INAVA: variants seen among roughly 807,000 people sequenced by gnomAD.
The protein encoded by INAVA is innate immunity activator.
Under a neutral mutation model 55.3 loss-of-function variants are expected in INAVA, and 32 were observed. The observed-to-expected ratio is 0.58, with a 90% CI of 0.44 to 0.78. INAVA has a LOEUF of 0.78. INAVA is among the 30% of genes least tolerant of loss of function. The pLI, the probability that INAVA is intolerant of heterozygous loss-of-function variation, is 0.00. For missense variants in INAVA, 756 were observed against 786.4 expected (o/e 0.96, Z 0.46); for synonymous variants, 294 against 329.4 (o/e 0.89, Z 1.16).
chr1:200,895,205 C>G (rs1668318896), intron 1 of INAVA, 118 bp downstream of exon 1: 1 of 840,052 alleles, frequency 1.2e-6, no homozygotes, highest in Non-Finnish European at 1.4e-6. Flanking sequence ...CAGCCTATGT[C>G]TGGTGTGTAG....
chr1:200,904,648 G>A (rs908433453), intron 5 of INAVA, among the ~76,000 whole-genome samples: 9 of 152,178 alleles, frequency 5.9e-5, no homozygotes, highest in African/African-American at 1.9e-4. Flanking sequence ...ATGCTGCTGC[G>A]GGGCAGGGGA....
upstream of INAVA, among the ~76,000 whole-genome samples, chr1:200,894,646 C>T (rs1221143605): frequency 2.0e-5 from 3 of 152,134 alleles, no homozygotes; most frequent in Non-Finnish European, 4.4e-5. Flanking sequence ...GGAGGGCACG[C>T]AGGTACCTCA....
At position 200,901,078 on chromosome 1, in the gene INAVA, C is replaced by A. The variant is rs1213119499; in HGVS notation, c.439C>A (p.Leu147Met). The change falls in exon 5 of 10, where the codon CTG becomes ATG. Residue 147 changes from leucine to methionine, a missense_variant. Physicochemically the swap from Leu to Met is conservative, Grantham distance 15 (BLOSUM62 2). Coordinates refer to ENST00000413687, the MANE Select transcript of INAVA (RefSeq NM_001142569.3). The part of the protein sequence containing the change: ...KHSMLQEEKK[L>M]QELQRCLVER... ...CTCCATGCTGCAGGAGGAGAAGAAG[C>A]TGCAGGAGCTCCAGCGCTGCCTGGT... is the stretch of plus-strand genomic sequence containing the variant. The A allele has an allele frequency of 2.7e-5, 42 of 1,540,912 alleles. No individual in the cohort carries two copies. The highest frequency in any genetic ancestry group is 3.6e-5 in the Non-Finnish European group (41 of 1,146,286).
intron 5 of INAVA, among the ~76,000 whole-genome samples, chr1:200,905,332 G>T (rs572251722): frequency 2.0e-4 from 31 of 152,296 alleles, no homozygotes; most frequent in African/African-American, 7.5e-4. Context: ...GATCTCTTGG[G>T]CCCAGGAGTA....
chr1:200,911,583 G>T lies in INAVA; in HGVS notation c.1090G>T (p.Ala364Ser), dbSNP rs200496052. 2 of 1,588,976 alleles carry T rather than the reference G, an allele frequency of 1.3e-6. No individual in the cohort carries two copies. The highest frequency in any genetic ancestry group is 2.3e-5 in the East Asian group (1 of 42,882). Residue 364 changes from alanine (A) to serine (S), a missense_variant, in exon 9 of 10, where the codon GCC becomes TCC. Transcript: ENST00000413687. Reference protein sequence around the residue: ...PATKPPLPHAACHSCSEDSGS... With the variant: ...PATKPPLPHASCHSCSEDSGS... ...GACCAAGCCCCCGCTGCCCCACGCC[G>T]CCTGCCACTCCTGCTCAGAAGACAG...
At position 200,911,380 on chromosome 1, in the gene INAVA, T is replaced by C. The variant is rs1653713320; in HGVS notation, c.960-73T>C. The C allele has an allele frequency of 1.2e-5, 17 of 1,421,152 alleles. No individual in the cohort carries two copies. The South Asian group carries it at 1.4e-4, about 12-fold the overall frequency. 88.0% of individuals were successfully genotyped at this position (1,421,152 alleles called of 1,614,324 possible). ...TAGAGCAGGACTCACCTGTTTTAAC[T>C]CCACCTCCCGCCCCAACCCCAGTGT... is the stretch of plus-strand genomic sequence containing the variant. On this transcript the variant is annotated intron_variant, in intron 8 of 9. Coordinates refer to ENST00000413687, the MANE Select transcript of INAVA (RefSeq NM_001142569.3).
At chr1:200,899,344 G>T in intron 2 of INAVA, 129 bp from the exon 3 acceptor site, 1 of 1,341,210 alleles carries the variant, frequency 7.5e-7, no homozygotes, top group Non-Finnish European at 1.0e-6. Flanking sequence ...TGCAATTTGT[G>T]GGCAGGCATG....
At position 200,900,091 on chromosome 1, in the gene INAVA, G is replaced by A. The variant is rs1653173539; in HGVS notation, c.181-13G>A. The A allele has an allele frequency of 7.5e-6, 12 of 1,602,834 alleles. No individual in the cohort carries two copies. In the East Asian group the frequency reaches 2.7e-4, roughly 36 times the overall value. ...GGTGGAGAGGACCTGGCTGGTCTCT[G>A]CTTCCTCCCCAGGAGCTGACGGGCA... On this transcript the variant is annotated splice_polypyrimidine_tract_variant and intron_variant, in intron 3 of 9. Transcript: ENST00000413687.
chr1:200,898,163 C>CA lies in INAVA; in HGVS notation c.-94-143dup, dbSNP rs1179948398. On this transcript the variant is annotated intron_variant, in intron 1 of 9. Coordinates refer to ENST00000413687, the MANE Select transcript of INAVA (RefSeq NM_001142569.3). ...AGCCCCTTCTCTAGGTCAGCACCCCCAGTGCCAGAATCTCCTGCCCCAGAT... is the reference window on the plus strand; with the variant it reads ...AGCCCCTTCTCTAGGTCAGCACCCCCAAGTGCCAGAATCTCCTGCCCCAGAT... The CA allele has an allele frequency of 9.8e-6, 8 of 820,066 alleles. No individual in the cohort carries two copies. The African/African-American group carries it at 1.2e-4, about 12-fold the overall frequency. 50.8% of individuals were successfully genotyped at this position (820,066 alleles called of 1,614,324 possible).
Position 200,895,191 on chromosome 1 carries a change from C to T in INAVA, c.-95+104C>T, listed in dbSNP as rs1297340340. ...CATCACCCCCCTCCGACCCCCACCC[C>T]CGCCAGCCTATGTCTGGTGTGTAGG... is the stretch of plus-strand genomic sequence containing the variant. On this transcript the variant is annotated intron_variant, in intron 1 of 9. Transcript: ENST00000413687. The T allele has an allele frequency of 3.3e-6, 3 of 901,204 alleles. No individual in the cohort carries two copies. In the African/African-American group the frequency reaches 5.4e-5, roughly 16 times the overall value. 55.8% of individuals were successfully genotyped at this position (901,204 alleles called of 1,614,324 possible).
upstream of INAVA, among the ~76,000 whole-genome samples, chr1:200,891,966 C>G (rs1240140973): frequency 6.6e-6 from 1 of 151,242 alleles, no homozygotes; most frequent in Non-Finnish European, 1.5e-5. Flanking sequence ...AGCAAAGTCT[C>G]GGGCCAGCCT....
chr1:200,898,420 T>C lies in INAVA; in HGVS notation c.20T>C (p.Val7Ala), dbSNP rs1653053289. 1.2e-6 allele frequency: 2 copies of C among 1,613,844 alleles called. No homozygotes were observed. Among genetic ancestry groups the C allele is most frequent in the Non-Finnish European group, 1.7e-6 (2 of 1,179,942 alleles). Reference protein sequence around the residue: MESKDEVSDTDSGIILQ... With the variant: MESKDEASDTDSGIILQ... ...TCCACCATGGAGAGTAAGGATGAGG[T>C]CAGCGACACCGACAGTGGCATCATC... The change falls in exon 2 of 10, where the codon GTC (valine) becomes GCC (alanine). Residue 7 changes from valine to alanine, a missense_variant. Val to Ala is a moderately conservative substitution (Grantham distance 64). Transcript: ENST00000413687.
Position 200,900,134 on chromosome 1 carries a change from C to A in INAVA, c.211C>A (p.Pro71Thr). 1 of 1,613,854 alleles carries A rather than the reference C, an allele frequency of 6.2e-7. No homozygotes were observed. The highest frequency in any genetic ancestry group is 1.1e-5 in the South Asian group (1 of 91,038). ...GACGGGCACCTTGCCAGCGGAGTAT[C>A]CCCTCAAACCAGGGGAAAAGGCCCC... ...ELTGTLPAEY[P>T]LKPGEKAPKV... Residue 71 changes from proline to threonine, a missense_variant, in exon 4 of 10, where the codon CCC becomes ACC. This residue lies in a region of INAVA where 639 missense variants were observed against 624.3 expected (regional missense o/e 1.02). Coordinates refer to ENST00000413687, the MANE Select transcript of INAVA (RefSeq NM_001142569.3).
intron 3 of INAVA, 22 bp downstream of exon 3, chr1:200,899,619 A>C: frequency 6.2e-7 from 1 of 1,610,202 alleles, no homozygotes; most frequent in South Asian, 1.1e-5. Context: ...GCCAGCACAC[A>C]CAAGCATCGG....
chr1:200,900,317 A>G, intron 4 of INAVA, 97 bp downstream of exon 4: 1 of 1,026,898 alleles, frequency 9.7e-7, no homozygotes, highest in Non-Finnish European at 1.5e-6. Context: ...GTTCCCTTCC[A>G]CCCTTTCACA....
rs954645627 is a variant in INAVA at position 200,908,009 on chromosome 1, G to T, written c.574+122G>T. ...TGAAGGCTAGGGTGCCAGGCTTAGG[G>T]TTTCCGCTTGGACTTCATGTCAATT... On this transcript the variant is annotated intron_variant, in intron 6 of 9. Coordinates refer to ENST00000413687, the MANE Select transcript of INAVA (RefSeq NM_001142569.3). The T allele has an allele frequency of 1.4e-5, 10 of 702,014 alleles. No homozygotes were observed. The African/African-American group carries it at 1.7e-4, about 12-fold the overall frequency. 43.5% of individuals were successfully genotyped at this position (702,014 alleles called of 1,614,324 possible).
rs1232898034 is a variant in INAVA, at chr1:200,899,514, G to T, written c.97G>T (p.Ala33Ser). 1 of 1,614,056 alleles carries T rather than the reference G, an allele frequency of 6.2e-7. No individual in the cohort carries two copies. The highest frequency in any genetic ancestry group is 8.5e-7 in the Non-Finnish European group (1 of 1,180,006). ...PVSPMKELTH[A>S]VHKQQRALEA... ...CTCCCCAATGAAGGAGCTGACCCAT[G>T]CAGTGCACAAGCAGCAGAGGGCCCT... The change falls in exon 3 of 10, where the codon GCA becomes TCA. Residue 33 changes from alanine (A) to serine (S), a missense_variant. Physicochemically the swap from Ala to Ser is moderately conservative, Grantham distance 99. Transcript: ENST00000413687.
At chr1:200,900,346 C>A in intron 4 of INAVA, 126 bp downstream of exon 4, 1 of 813,754 alleles carries the variant, frequency 1.2e-6, no homozygotes, top group Non-Finnish European at 2.0e-6. Flanking sequence ...GGGTGCTTGG[C>A]TGCCTGTTGG....
intron 4 of INAVA, among the ~76,000 whole-genome samples, chr1:200,900,600 T>C (rs1172716954): frequency 6.6e-6 from 1 of 152,216 alleles, no homozygotes; most frequent in Non-Finnish European, 1.5e-5. Flanking sequence ...CCTTCCCCTG[T>C]GGCGTCAATG....
Sources: allele counts gnomAD v4.1 joint callset (sites outside exome capture counted in the v4.1 genomes callset), GRCh38; gene constraint gnomAD v4.1.1; regional missense constraint gnomAD v4.1.1; transcripts MANE v1.5; gene names NCBI Gene and HGNC (gene_info 2026-07-23, HGNC 2026-07-21).